RGS6: variants seen among roughly 807,000 people sequenced by gnomAD.
The protein encoded by RGS6 is regulator of G protein signaling 6, also known as regulator of G-protein signaling 6.
Under a neutral mutation model 78.5 loss-of-function variants are expected in RGS6, and 30 were observed. That is an observed-to-expected ratio of 0.38 (90% confidence interval 0.29 to 0.52). RGS6 has a LOEUF of 0.52. Among genes scored for constraint, RGS6 ranks in the 20% least tolerant of loss-of-function variants. RGS6 has a pLI of 0.85. For missense variants in RGS6, 495 were observed against 609.7 expected, an observed-to-expected ratio of 0.81 and a Z score of 1.98; for synonymous variants, 206 against 206.0, an observed-to-expected ratio of 1.00 and a Z score of 0.00.
the RGS6 span, among the ~76,000 whole-genome samples, chr14:71,877,238 G>A: frequency 3.9e-5 from 6 of 152,226 alleles, no homozygotes. Flanking sequence ...CTAGGTTGGA[G>A]AAGTTCTCCT....
chr14:72,355,945 G>A (rs1349248709), intron 3 of RGS6, among the ~76,000 whole-genome samples: 1 of 152,110 alleles, frequency 6.6e-6, no homozygotes. Flanking sequence ...AGGAGAGTGG[G>A]GATGAAGCCA....
At chr14:72,143,084 C>G (rs1292678436) in intron 2 of RGS6, among the ~76,000 whole-genome samples, 1 of 152,172 alleles carries the variant, frequency 6.6e-6, no homozygotes, top group Non-Finnish European at 1.5e-5. Context: ...AAGAAGACAA[C>G]TGGCTGGGCT....
chr14:72,325,219 ATTTG>A (rs1183197686), intron 2 of RGS6, among the ~76,000 whole-genome samples: 6 of 152,086 alleles, frequency 3.9e-5, no homozygotes, highest in Admixed American at 6.6e-5. Flanking sequence ...TTTCTTGTAA[ATTTG>A]TTTAAGTTCT....
chr14:72,397,438 GGAGATTTTGGGCT>G (rs1211655060), intron 3 of RGS6, among the ~76,000 whole-genome samples: 10 of 151,996 alleles, frequency 6.6e-5, no homozygotes, highest in Non-Finnish European at 1.2e-4. Context: ...ATCAGCTTAA[GGAGATTTTGGGCT>G]GAGACGATGG....
chr14:72,274,144 G>C (rs527326546), intron 2 of RGS6, among the ~76,000 whole-genome samples: 16 of 152,300 alleles, frequency 1.1e-4, no homozygotes, highest in South Asian at 2.1e-4. Context: ...GGGTACATTA[G>C]ATACTCTATT....
intron 2 of RGS6, among the ~76,000 whole-genome samples, chr14:72,080,728 C>A (rs2094786254): frequency 6.6e-6 from 1 of 151,998 alleles, no homozygotes; most frequent in African/African-American, 2.4e-5. Context: ...ATTCATTTTT[C>A]TGTATGTGGA....
At chr14:72,370,517 C>T (rs78381729) in intron 3 of RGS6, among the ~76,000 whole-genome samples, 4,527 of 152,192 alleles carry the variant, frequency 0.03, 194 homozygotes, top group African/African-American at 0.1. Context: ...ACATCTTAAC[C>T]GCACGGGGAG....
intron 2 of RGS6, among the ~76,000 whole-genome samples, chr14:72,160,642 A>G (rs768078750): frequency 6.6e-6 from 1 of 152,224 alleles, no homozygotes; most frequent in Non-Finnish European, 1.5e-5. Context: ...TCCTAATCCA[A>G]TATGGTTGTT....
intron 1 of RGS6, among the ~76,000 whole-genome samples, chr14:71,943,622 G>A (rs1456455490): frequency 1.3e-5 from 2 of 152,180 alleles, no homozygotes; most frequent in Non-Finnish European, 2.9e-5. Flanking sequence ...GATCTCTGTG[G>A]TAGCCAAAGA....
chr14:72,461,142 T>C (rs1481636552), intron 6 of RGS6, among the ~76,000 whole-genome samples: 1 of 152,194 alleles, frequency 6.6e-6, no homozygotes, highest in Non-Finnish European at 1.5e-5. Context: ...CTAGTGCTTC[T>C]GGGGCTGAAA....
chr14:72,321,555 ATCT>A (rs1015240385), intron 2 of RGS6, among the ~76,000 whole-genome samples: 3 of 152,174 alleles, frequency 2.0e-5, no homozygotes, highest in Middle Eastern at 3.4e-3. Context: ...GAGGCCAATA[ATCT>A]TAGAATAAAA....
chr14:72,543,473 T>C (rs1300978900), intron 17 of RGS6, among the ~76,000 whole-genome samples: 2 of 152,188 alleles, frequency 1.3e-5, no homozygotes, highest in Non-Finnish European at 2.9e-5. Context: ...AAGCTTCCTT[T>C]CACAGTGGCT....
chr14:72,578,624 T>C, the RGS6 span, among the ~76,000 whole-genome samples: 2 of 152,202 alleles, frequency 1.3e-5, no homozygotes, highest in Admixed American at 6.5e-5. Context: ...TGGGGTAGTG[T>C]TGAGATGCAA....
chr14:72,000,765 G>GA lies in RGS6; in HGVS notation c.84+35895dup, dbSNP rs527631494. On this transcript the variant is annotated intron_variant, in intron 2 of 17. Transcript: ENST00000553525. ...GCCACAGAAAGGTCAAGAAATACTCGAAAAACCACTGGATTTGGTGACCAC... is the reference window on the plus strand; with the variant it reads ...GCCACAGAAAGGTCAAGAAATACTCGAAAAAACCACTGGATTTGGTGACCAC... Among the ~76,000 whole-genome samples the GA allele has an allele frequency of 5.3e-5, 8 of 152,226 alleles. 1 individual carries two copies. In the East Asian group the frequency reaches 1.4e-3, roughly 26 times the overall value.
At chr14:72,450,770 C>G (rs1486707269) in intron 3 of RGS6, among the ~76,000 whole-genome samples, 1 of 151,952 alleles carries the variant, frequency 6.6e-6, no homozygotes, top group African/African-American at 2.4e-5. Context: ...AAAGGGTGAT[C>G]GTGGGTTAGC....
chr14:72,446,980 T>C (rs2153223092), intron 3 of RGS6, among the ~76,000 whole-genome samples: 1 of 152,162 alleles, frequency 6.6e-6, no homozygotes, highest in African/African-American at 2.4e-5. Context: ...TGAGGCCTGG[T>C]TCCTAACAGG....
intron 7 of RGS6, among the ~76,000 whole-genome samples, chr14:72,469,265 C>T (rs1205190533): frequency 6.7e-6 from 1 of 149,500 alleles, no homozygotes; most frequent in African/African-American, 2.5e-5. Flanking sequence ...AGTGCAGTGG[C>T]AGGATCTCGG....
intron 2 of RGS6, among the ~76,000 whole-genome samples, chr14:72,324,581 C>T (rs973450300): frequency 6.8e-6 from 1 of 147,790 alleles, no homozygotes; most frequent in Admixed American, 6.8e-5. Context: ...GTTCAATTCC[C>T]ACCTATGAGT....
intron 3 of RGS6, among the ~76,000 whole-genome samples, chr14:72,364,009 A>AAAG (rs2081999124): frequency 6.7e-6 from 1 of 149,436 alleles, no homozygotes; most frequent in African/African-American, 2.5e-5. Context: ...TAAAAAAAAA[A>AAAG]AAAAAAAAAA....
Sources: allele counts gnomAD v4.1 joint callset (sites outside exome capture counted in the v4.1 genomes callset), GRCh38; gene constraint gnomAD v4.1.1; transcripts MANE v1.5; gene names NCBI Gene and HGNC (gene_info 2026-07-23, HGNC 2026-07-21).